PHACTR2: variants seen among roughly 807,000 people sequenced by gnomAD.
The protein encoded by PHACTR2 is phosphatase and actin regulator 2.
Under a neutral mutation model 76.0 loss-of-function variants are expected in PHACTR2, and 30 were observed. That is an observed-to-expected ratio of 0.39 (90% CI 0.30 to 0.54). The LOEUF (loss-of-function observed/expected upper bound fraction) is 0.54. PHACTR2 is among the 20% of genes least tolerant of loss of function. The pLI is 0.61. For synonymous variants in PHACTR2, 292 were observed against 292.5 expected, an observed-to-expected ratio of 1.00 and a Z score of 0.02; for missense variants, 696 against 781.1, an observed-to-expected ratio of 0.89 and a Z score of 1.30.
intron 2 of PHACTR2, among the ~76,000 whole-genome samples, chr6:143,732,488 T>A (rs936902932): frequency 3.9e-5 from 6 of 152,254 alleles, no homozygotes; most frequent in African/African-American, 1.4e-4. Flanking sequence ...AAACATTCCA[T>A]TGTATGAATA....
chr6:143,702,839 G>A (rs569018340), intron 1 of PHACTR2, among the ~76,000 whole-genome samples: 224 of 127,716 alleles, frequency 1.8e-3, no homozygotes, highest in African/African-American at 6.2e-3. Context: ...ATCTTGCTTC[G>A]GTGAAATTCT....
chr6:143,545,797 G>A (rs943924408), intron 1 of PHACTR2, among the ~76,000 whole-genome samples: 14 of 152,168 alleles, frequency 9.2e-5, no homozygotes, highest in African/African-American at 2.9e-4. Flanking sequence ...AATTATGAAA[G>A]AGATCATCAG....
chr6:143,564,704 A>G (rs9403505), intron 1 of PHACTR2, among the ~76,000 whole-genome samples: 90,379 of 151,914 alleles, frequency 0.59, 27,369 homozygotes, highest in Middle Eastern at 0.73. Flanking sequence ...GGTAAATGCC[A>G]CTGGCTGATC....
chr6:143,698,508 A>G lies in PHACTR2; in HGVS notation c.47-13508A>G, dbSNP rs1562273884. On this transcript the variant is annotated intron_variant, in intron 1 of 12. Transcript: ENST00000440869. The surrounding 1 kb of genome is among the most constrained non-coding windows in gnomAD (Gnocchi z 4.3). ...CATAGGATATTTCTACCTTTTAGGC[A>G]ATGCTATGAAACTAGACTAAACCTC... 6.6e-6 allele frequency among the ~76,000 whole-genome samples: 1 copy of G among 152,182 alleles called. No individual in the cohort carries two copies. The highest frequency in any genetic ancestry group is 2.4e-5 in the African/African-American group (1 of 41,440).
In PHACTR2 at chr6:143,772,601, A is replaced by T; in HGVS notation, c.1432+144A>T. On this transcript the variant is annotated intron_variant, in intron 7 of 12. Coordinates refer to ENST00000440869, the MANE Select transcript of PHACTR2 (RefSeq NM_001100164.2). The surrounding 1 kb of genome is among the most constrained non-coding windows in gnomAD (Gnocchi z 5.4). ...CTCCTTTCTCAAATTAGAAATGTGT[A>T]TATCCTAAAGTTTAGCTTTTGATGG... The T allele has an allele frequency of 1.5e-6, 1 of 659,708 alleles. No individual in the cohort carries two copies. The highest frequency in any genetic ancestry group is 2.6e-6 in the Non-Finnish European group (1 of 381,228). The allele number at this position is 659,708 out of a possible 1,614,324, so 40.9% of individuals were successfully genotyped here. A position where few individuals can be genotyped will look rare whatever the true frequency, so the allele number is the denominator to read the frequency against.
In PHACTR2 at chr6:143,581,319, G is replaced by A. The variant is rs79127163; in HGVS notation, c.217+44112G>A. ...ACTGTATCAAGTTATCCTCCTGACC[G>A]GGCGCAGTGGTTCATGCCTGTAATC... On this transcript the variant is annotated intron_variant, in intron 1 of 11. Transcript: ENST00000367584. This position sits in a 1 kb window ranked among gnomAD's most constrained non-coding sequence, Gnocchi z 4.5. 0.07 allele frequency among the ~76,000 whole-genome samples: 10,671 copies of A among 152,178 alleles called. 485 individuals are homozygous for A. Among genetic ancestry groups the A allele is most frequent in the East Asian group, 0.22 (1,162 of 5,166 alleles).
At chr6:143,808,662 T>A (rs1033964659) in intron 12 of PHACTR2, among the ~76,000 whole-genome samples, 1 of 152,106 alleles carries the variant, frequency 6.6e-6, no homozygotes, top group African/African-American at 2.4e-5. Context: ...TCTGAAGGGG[T>A]CCTGGAATGA....
rs529773967 is a variant in PHACTR2 at position 143,826,630 on chromosome 6, A to T, written c.*2941A>T. 75 of 152,300 alleles carry T rather than the reference A, an allele frequency of 4.9e-4. No individual in the cohort carries two copies. The highest frequency in any genetic ancestry group is 1.8e-3 in the African/African-American group (74 of 41,566). The allele number at this position is 152,300 out of a possible 1,614,324, so 9.4% of individuals were successfully genotyped here. A position where few individuals can be genotyped will look rare whatever the true frequency, so the allele number is the denominator to read the frequency against. On this transcript the variant is annotated 3_prime_UTR_variant, in exon 13 of 13. Coordinates refer to ENST00000440869, the MANE Select transcript of PHACTR2 (RefSeq NM_001100164.2). ...ACATTAATATTAGGGTATTAAGAAG[A>T]TGCTCAGCAAGCTTGATCAGAATCT...
chr6:143,563,916 A>G (rs1371140462), intron 1 of PHACTR2, among the ~76,000 whole-genome samples: 1 of 151,582 alleles, frequency 6.6e-6, no homozygotes, highest in Middle Eastern at 3.4e-3. Context: ...AGGTGGGAGG[A>G]TTGCTGGAAC....
At chr6:143,676,617 C>A (rs914292348), upstream of PHACTR2, among the ~76,000 whole-genome samples, 1 of 152,128 alleles carries the variant, frequency 6.6e-6, no homozygotes, top group Non-Finnish European at 1.5e-5. The surrounding 1 kb of genome is among the most constrained non-coding windows in gnomAD (Gnocchi z 4.8). Context: ...TGCTTACTCT[C>A]ATCGCTTAGC....
rs1352726742 is a variant in PHACTR2 at position 143,680,934 on chromosome 6, T to C, written c.46+2725T>C. 6.6e-6 allele frequency among the ~76,000 whole-genome samples: 1 copy of C among 152,226 alleles called. No individual in the cohort carries two copies. The highest frequency in any genetic ancestry group is 1.5e-5 in the Non-Finnish European group (1 of 68,032). ...TCATCCATGTTGTAGCATGTATCAGTTGTTCATTTCTTTTTATTGCCAAAT... is the reference window on the plus strand; with the variant it reads ...TCATCCATGTTGTAGCATGTATCAGCTGTTCATTTCTTTTTATTGCCAAAT... On this transcript the variant is annotated intron_variant, in intron 1 of 12. Transcript: ENST00000440869. The surrounding 1 kb of genome is among the most constrained non-coding windows in gnomAD (Gnocchi z 4.5).
At chr6:143,665,330 A>T (rs1777016258) in intron 1 of PHACTR2, among the ~76,000 whole-genome samples, 1 of 152,094 alleles carries the variant, frequency 6.6e-6, no homozygotes, top group Non-Finnish European at 1.5e-5. Context: ...AATTTTCTCT[A>T]CATTTCTGCT....
chr6:143,615,843 T>C (rs1776050587), intron 1 of PHACTR2, among the ~76,000 whole-genome samples: 1 of 152,250 alleles, frequency 6.6e-6, no homozygotes, highest in African/African-American at 2.4e-5. Flanking sequence ...TTGTCTCATC[T>C]GACCACACCT....
chr6:143,689,194 C>T lies in PHACTR2; in HGVS notation c.46+10985C>T, dbSNP rs1777586746. Among the ~76,000 whole-genome samples the T allele has an allele frequency of 6.6e-6, 1 of 152,210 alleles. No homozygotes were observed. The highest frequency in any genetic ancestry group is 6.5e-5 in the Admixed American group (1 of 15,284). On this transcript the variant is annotated intron_variant, in intron 1 of 12. Transcript: ENST00000440869. The surrounding 1 kb of genome is among the most constrained non-coding windows in gnomAD (Gnocchi z 4.4). ...CTGCCTACCCCTCTCCAGAATAACC[C>T]ACCCAGGTCCCACCCACAGCTCTCT...
intron 1 of PHACTR2, among the ~76,000 whole-genome samples, chr6:143,651,539 A>G (rs933481821): frequency 6.6e-6 from 1 of 152,216 alleles, no homozygotes; most frequent in Non-Finnish European, 1.5e-5. Flanking sequence ...AGTCCTTTGC[A>G]GAGACATGAT....
chr6:143,782,786 T>A lies in PHACTR2; in HGVS notation c.1646-433T>A, dbSNP rs1775460597. Among the ~76,000 whole-genome samples the A allele has an allele frequency of 6.6e-6, 1 of 152,186 alleles. No individual in the cohort carries two copies. On this transcript the variant is annotated intron_variant, in intron 9 of 12. Coordinates refer to ENST00000440869, the MANE Select transcript of PHACTR2 (RefSeq NM_001100164.2). The surrounding 1 kb of genome is among the most constrained non-coding windows in gnomAD (Gnocchi z 4.6). ...CATGCATCGGATGGTTCTAATTTGC[T>A]CTTTTAATATGTCTCAGATTTTCAC...
chr6:143,701,824 A>G (rs1275463628), intron 1 of PHACTR2, among the ~76,000 whole-genome samples: 2 of 152,246 alleles, frequency 1.3e-5, no homozygotes, highest in Admixed American at 1.3e-4. Context: ...ATAATAAAAT[A>G]TCAAGTAATA....
Position 143,826,256 on chromosome 6 carries a change from C to G in PHACTR2, c.*2567C>G, listed in dbSNP as rs753358716. On this transcript the variant is annotated 3_prime_UTR_variant, in exon 13 of 13. Transcript: ENST00000440869. The stretch of plus-strand genomic sequence containing the variant: ...CCCCACCGGCCACCCAGCCAGAGGT[C>G]TCCTACCTGGGGGCCCTAAAGGGAT... 6.6e-6 allele frequency: 1 copy of G among 152,262 alleles called. No homozygotes were observed. The highest frequency in any genetic ancestry group is 1.5e-5 in the Non-Finnish European group (1 of 68,062). The allele number at this position is 152,262 out of a possible 1,614,324, so 9.4% of individuals were successfully genotyped here. A position where few individuals can be genotyped will look rare whatever the true frequency, so the allele number is the denominator to read the frequency against.
rs908630665 is a variant in PHACTR2 at position 143,627,559 on chromosome 6, A to G, written c.13+19237A>G. Among the ~76,000 whole-genome samples, 5 of 151,522 alleles carry G rather than the reference A, an allele frequency of 3.3e-5. No homozygotes were observed. Among genetic ancestry groups the G allele is most frequent in the African/African-American group, 1.2e-4 (5 of 41,226 alleles). The stretch of plus-strand genomic sequence containing the variant: ...AAAATTAACTATTTTGAAGTGTCCA[A>G]TTCAGTGGCATTCAGTACATTCACA... On this transcript the variant is annotated intron_variant, in intron 1 of 11. Coordinates refer to the PHACTR2 transcript ENST00000305766. The surrounding 1 kb of genome is among the most constrained non-coding windows in gnomAD (Gnocchi z 4.3).
Sources: allele counts gnomAD v4.1 joint callset (sites outside exome capture counted in the v4.1 genomes callset), GRCh38; gene constraint gnomAD v4.1.1; non-coding constraint Gnocchi (gnomAD v3.1); transcripts MANE v1.5; gene names NCBI Gene and HGNC (gene_info 2026-07-23, HGNC 2026-07-21).